Variants in KCNG1 observed in about 807,000 individuals in gnomAD.
The protein encoded by KCNG1 is voltage-gated potassium channel regulatory subunit KCNG1.
A neutral mutation model predicts 32.4 loss-of-function variants in KCNG1; 17 were observed. The ratio of observed to expected loss-of-function variants is 0.52; its 90% CI spans 0.36 to 0.79. KCNG1 has a LOEUF of 0.79. Among genes scored for constraint, KCNG1 ranks in the 30% least tolerant of loss-of-function variants. KCNG1 has a pLI of 0.00. For synonymous variants in KCNG1, 358 were observed against 339.9 expected (o/e 1.05, Z -0.59); for missense variants, 441 against 735.2 (o/e 0.60, Z 4.63).
chr20:51,020,368 G>A lies in KCNG1; in HGVS notation c.-27+2502C>T, dbSNP rs143970206. ...CCTGCTTACCAGAGTCCTCTGGAGG[G>A]AGAGCATGATCGGACCTGCCCGGGG... On this transcript the variant is annotated intron_variant, in intron 1 of 2. Transcript: ENST00000371571. 4.3e-4 allele frequency among the ~76,000 whole-genome samples: 66 copies of A among 152,268 alleles called. No homozygotes were observed. In the East Asian group the frequency reaches 0.012, roughly 27 times the overall value.
At chr20:51,020,563 G>A (rs982428349) in intron 1 of KCNG1, among the ~76,000 whole-genome samples, 8 of 152,072 alleles carry the variant, frequency 5.3e-5, no homozygotes, top group Non-Finnish European at 8.8e-5. Context: ...TAGGTTCTTC[G>A]CCTCTCCCTT....
In KCNG1 at chr20:51,010,225, C is replaced by T; in HGVS notation, c.114G>A (p.Ala38=). ...FLPQRQAIKG[A]FYRRAQRLRP... is the part of the protein sequence containing the mutation. ...GCAGCCGCTGCGCCCGGCGGTAGAA[C>T]GCGCCCTTGATGGCCTGGCGCTGCG... The change falls in exon 2 of 3, where the codon GCG becomes GCA. Residue 38 remains alanine, a synonymous_variant. Coordinates refer to ENST00000371571, the MANE Select transcript of KCNG1 (RefSeq NM_002237.4). 6.4e-7 allele frequency: 1 copy of T among 1,568,690 alleles called. No homozygotes were observed. The highest frequency in any genetic ancestry group is 8.6e-7 in the Non-Finnish European group (1 of 1,162,196).
Position 51,004,067 on chromosome 20 carries a change from GC to G in KCNG1, c.1513del (p.Ala505ProfsTer102). On this transcript the variant is annotated frameshift_variant, in exon 3 of 3. Transcript: ENST00000371571. LOFTEE classifies it high-confidence loss of function. This position sits in a 1 kb window ranked among gnomAD's most constrained non-coding sequence, Gnocchi z 4.3. ...SQDSDILFGS[A>X]SSDTRDNN ...GTTATTGTCTCTGGTGTCCGAGGAG[GC>G]ACTTCCGAACAAGATGTCACTGTCC... 6.2e-7 allele frequency: 1 copy of G among 1,614,162 alleles called. No homozygotes were observed. The highest frequency in any genetic ancestry group is 8.5e-7 in the Non-Finnish European group (1 of 1,180,008).
At chr20:51,007,273 C>T (rs1987865107) in intron 2 of KCNG1, 1 of 151,848 alleles carries the variant, frequency 6.6e-6, no homozygotes, top group Admixed American at 6.6e-5. Context: ...GCAACCTCCA[C>T]CTCCCAGATT....
At chr20:51,018,089 C>T (rs901329901) in intron 1 of KCNG1, among the ~76,000 whole-genome samples, 5 of 152,242 alleles carry the variant, frequency 3.3e-5, no homozygotes, top group Admixed American at 6.5e-5. Flanking sequence ...GCAGTTCTCA[C>T]GTGACCACCC....
Position 51,004,608 on chromosome 20 carries a change from G to A in KCNG1, c.973C>T (p.Arg325Cys), listed in dbSNP as rs1220620817. 6.3e-6 allele frequency: 10 copies of A among 1,582,966 alleles called. No homozygotes were observed. Among genetic ancestry groups the A allele is most frequent in the South Asian group, 1.1e-5 (1 of 87,598 alleles). The change falls in exon 3 of 3, where the codon CGT becomes TGT. Residue 325 changes from arginine (R) to cysteine (C), a missense_variant. Physicochemically the swap from Arg to Cys is radical, Grantham distance 180. This residue lies in a region of KCNG1 where 169 missense variants were observed against 297.7 expected (regional missense o/e 0.57). Coordinates refer to ENST00000371571, the MANE Select transcript of KCNG1 (RefSeq NM_002237.4). This position sits in a 1 kb window ranked among gnomAD's most constrained non-coding sequence, Gnocchi z 4.3. ...TLLVDGAAAG[R>C]RKPGAGNSYL... ...CTGTTGCCCGCGCCGGGCTTGCGAC[G>A]GCCTGCGGCGGCGCCGTCCACCAGC...
In KCNG1 at chr20:51,004,814, A is replaced by G. The variant is rs771979346; in HGVS notation, c.775-8T>C. ...CATCTGGGAACAGTGGCCCTGGGAGAGAGGGGAAGGGACGCCGGAGGGGTC... is the reference window on the plus strand; with the variant it reads ...CATCTGGGAACAGTGGCCCTGGGAGGGAGGGGAAGGGACGCCGGAGGGGTC... On this transcript the variant is annotated splice_polypyrimidine_tract_variant and splice_region_variant and intron_variant, in intron 2 of 2. Coordinates refer to ENST00000371571, the MANE Select transcript of KCNG1 (RefSeq NM_002237.4). This position sits in a 1 kb window ranked among gnomAD's most constrained non-coding sequence, Gnocchi z 4.3. 1.7e-5 allele frequency: 26 copies of G among 1,546,812 alleles called. No homozygotes were observed. The highest frequency in any genetic ancestry group is 2.2e-5 in the Non-Finnish European group (25 of 1,141,602).
At chr20:51,007,593 G>A (rs1987882610) in intron 2 of KCNG1, among the ~76,000 whole-genome samples, 1 of 152,108 alleles carries the variant, frequency 6.6e-6, no homozygotes, top group Admixed American at 6.5e-5. Flanking sequence ...CAGGCATGAG[G>A]GCCTACTTCC....
In KCNG1 at chr20:51,005,918, T is replaced by C. The variant is rs1257203191; in HGVS notation, c.775-1112A>G. 6.6e-6 allele frequency: 1 copy of C among 152,244 alleles called. No homozygotes were observed. Among genetic ancestry groups the C allele is most frequent in the Non-Finnish European group, 1.5e-5 (1 of 68,068 alleles). The allele number at this position is 152,244 out of a possible 1,614,324, so 9.4% of individuals were successfully genotyped here. On this transcript the variant is annotated intron_variant, in intron 2 of 2. Transcript: ENST00000371571. This position sits in a 1 kb window ranked among gnomAD's most constrained non-coding sequence, Gnocchi z 4.0. ...GATATGAACTAATACCTGGTGGGGC[T>C]TTAAGGTCTTAGACCTCTGGGATGG...
intron 2 of KCNG1, chr20:51,007,997 G>A (rs1046945780): frequency 2.0e-5 from 3 of 152,206 alleles, no homozygotes; most frequent in East Asian, 1.9e-4. Flanking sequence ...GAGAGTGCAC[G>A]TAAAGCACTT....
In KCNG1 at chr20:51,010,305, C is replaced by T. The variant is rs1462201003; in HGVS notation, c.34G>A (p.Asp12Asn). Residue 12 changes from aspartate to asparagine, a missense_variant, in exon 2 of 3, where the codon GAC becomes AAC. This residue lies in a region of KCNG1 where 85 missense variants were observed against 98.2 expected (regional missense o/e 0.87). Coordinates refer to ENST00000371571, the MANE Select transcript of KCNG1 (RefSeq NM_002237.4). The part of the protein sequence containing the change: ...TLLPGDNSDY[D>N]YSALSCTSDA... Reference sequence around the variant, plus strand: ...GAGGTGCAGCTCAGCGCGCTGTAGTCGTAGTCAGAATTGTCTCCCGGTAAG... The same window carrying T: ...GAGGTGCAGCTCAGCGCGCTGTAGTTGTAGTCAGAATTGTCTCCCGGTAAG... The T allele has an allele frequency of 6.6e-7, 1 of 1,508,028 alleles. No individual in the cohort carries two copies. The highest frequency in any genetic ancestry group is 2.3e-5 in the East Asian group (1 of 44,154). 93.4% of individuals were successfully genotyped at this position (1,508,028 alleles called of 1,614,324 possible). A position where few individuals can be genotyped will look rare whatever the true frequency, so the allele number is the denominator to read the frequency against.
intron 2 of KCNG1, among the ~76,000 whole-genome samples, chr20:51,007,667 C>T (rs1398909073): frequency 6.6e-6 from 1 of 151,776 alleles, no homozygotes; most frequent in Non-Finnish European, 1.5e-5. Context: ...TTCGAGAGTG[C>T]ATGTAAATGA....
chr20:51,004,953 C>A lies in KCNG1; in HGVS notation c.775-147G>T. The A allele has an allele frequency of 1.3e-6, 1 of 742,440 alleles. No homozygotes were observed. The highest frequency in any genetic ancestry group is 3.1e-5 in the Admixed American group (1 of 32,256). 46.0% of individuals were successfully genotyped at this position (742,440 alleles called of 1,614,324 possible). On this transcript the variant is annotated intron_variant, in intron 2 of 2. Transcript: ENST00000371571. The surrounding 1 kb of genome is among the most constrained non-coding windows in gnomAD (Gnocchi z 4.3). ...GCCCCGGGTCCTCTCCCTAGTTGTG[C>A]CCACTCCGAGGCCTGGGGCACTAAG...
intron 1 of KCNG1, among the ~76,000 whole-genome samples, chr20:51,011,296 C>T (rs1226610383): frequency 6.6e-6 from 1 of 152,066 alleles, no homozygotes; most frequent in African/African-American, 2.4e-5. Context: ...TTTCAGGTGA[C>T]ACATGTACTG....
chr20:51,004,844 G>A lies in KCNG1; in HGVS notation c.775-38C>T. 6.7e-7 allele frequency: 1 copy of A among 1,487,924 alleles called. No individual in the cohort carries two copies. The highest frequency in any genetic ancestry group is 9.0e-7 in the Non-Finnish European group (1 of 1,112,808). 92.2% of individuals were successfully genotyped at this position (1,487,924 alleles called of 1,614,324 possible). A position where few individuals can be genotyped will look rare whatever the true frequency, so the allele number is the denominator to read the frequency against. On this transcript the variant is annotated intron_variant, in intron 2 of 2. Coordinates refer to ENST00000371571, the MANE Select transcript of KCNG1 (RefSeq NM_002237.4). This position sits in a 1 kb window ranked among gnomAD's most constrained non-coding sequence, Gnocchi z 4.3. ...GGAAGGGACGCCGGAGGGGTCAGCG[G>A]GCCCTCCAGGAAAGGAGGGCAGAAG...
At chr20:51,007,781 T>C (rs1216386328) in intron 2 of KCNG1, among the ~76,000 whole-genome samples, 3 of 152,030 alleles carry the variant, frequency 2.0e-5, no homozygotes, top group African/African-American at 7.3e-5. Flanking sequence ...GAGGCAGAGG[T>C]GGGAGGATCG....
At position 51,003,753 on chromosome 20, in the gene KCNG1, G is replaced by T; in HGVS notation, c.*286C>A. 2 of 327,524 alleles carry T rather than the reference G, an allele frequency of 6.1e-6. No homozygotes were observed. Among genetic ancestry groups the T allele is most frequent in the East Asian group, 5.4e-5 (1 of 18,482 alleles). 20.3% of individuals were successfully genotyped at this position (327,524 alleles called of 1,614,324 possible). A position where few individuals can be genotyped will look rare whatever the true frequency, so the allele number is the denominator to read the frequency against. ...GTTATTTGCATGGTGAAAAGAACAAGGCATCTCCTTATTGAGGGAAACACA... is the reference window on the plus strand; with the variant it reads ...GTTATTTGCATGGTGAAAAGAACAATGCATCTCCTTATTGAGGGAAACACA... On this transcript the variant is annotated 3_prime_UTR_variant, in exon 3 of 3. Coordinates refer to ENST00000371571, the MANE Select transcript of KCNG1 (RefSeq NM_002237.4).
In KCNG1 at chr20:51,009,562, T is replaced by C. The variant is rs1469171664; in HGVS notation, c.774+3A>G. 5 of 1,596,754 alleles carry C rather than the reference T, an allele frequency of 3.1e-6. No homozygotes were observed. In the African/African-American group the frequency reaches 5.4e-5, roughly 17 times the overall value. On this transcript the variant is annotated splice_donor_region_variant and intron_variant, in intron 2 of 2. Coordinates refer to ENST00000371571, the MANE Select transcript of KCNG1 (RefSeq NM_002237.4). Reference sequence around the variant, plus strand: ...CGTTTCCCCGCGGGGCGTGGGCTCTTACCTGCTCCTCCTCCTCCCTCAGGC... The same window carrying C: ...CGTTTCCCCGCGGGGCGTGGGCTCTCACCTGCTCCTCCTCCTCCCTCAGGC...
intron 1 of KCNG1, among the ~76,000 whole-genome samples, chr20:51,012,855 C>A (rs1268929881): frequency 6.6e-6 from 1 of 152,222 alleles, no homozygotes; most frequent in Non-Finnish European, 1.5e-5. Context: ...CAACTATTGT[C>A]TTCCTAACAC....
Sources: gnomAD v4.1 joint callset for allele counts (sites outside exome capture counted in the v4.1 genomes callset) on GRCh38, gnomAD v4.1.1 for gene constraint, gnomAD v4.1.1 regional missense constraint, Gnocchi (gnomAD v3.1) non-coding constraint, MANE v1.5 for transcripts, NCBI Gene and HGNC (gene_info 2026-07-23, HGNC 2026-07-21) for gene names.